Variants in TASP1 observed in about 807,000 individuals in gnomAD.
TASP1 encodes taspase 1, also known as threonine aspartase 1.
TASP1 carries 16 observed loss-of-function variants against 56.6 expected under a neutral mutation model. The ratio of observed to expected loss-of-function variants is 0.28; its 90% CI spans 0.19 to 0.43. The LOEUF is 0.43. Among genes scored for constraint, TASP1 ranks in the 20% least tolerant of loss-of-function variants. The pLI is 1.00. For missense variants in TASP1, 393 were observed against 511.6 expected, an observed-to-expected ratio of 0.77 and a Z score of 2.24; for synonymous variants, 179 against 184.2, an observed-to-expected ratio of 0.97 and a Z score of 0.23.
chr20:13,444,998 G>A (rs1354054893), intron 11 of TASP1, among the ~76,000 whole-genome samples: 1 of 152,118 alleles, frequency 6.6e-6, no homozygotes, highest in Non-Finnish European at 1.5e-5. Flanking sequence ...AAAGAGGAGA[G>A]GAGAGTTGAA....
Position 13,559,100 on chromosome 20 carries a change from C to T in TASP1, c.583G>A (p.Ala195Thr). ...NIMTTRFSLA[A>T]FKRNKRKLEL... ...AGTTTCCTCTTGTTTCTTTTAAATG[C>T]AGCTAAACTGAATCCTATAAAATAA... is the stretch of plus-strand genomic sequence containing the variant. The change falls in exon 8 of 14, where the codon GCA becomes ACA. Residue 195 changes from alanine to threonine, a missense_variant. Transcript: ENST00000337743. 6.4e-7 allele frequency: 1 copy of T among 1,568,156 alleles called. No homozygotes were observed. Among genetic ancestry groups the T allele is most frequent in the Non-Finnish European group, 8.6e-7 (1 of 1,156,734 alleles).
chr20:13,202,430 A>G, the TASP1 span, among the ~76,000 whole-genome samples: 1 of 152,230 alleles, frequency 6.6e-6, no homozygotes, highest in South Asian at 2.1e-4. Flanking sequence ...TTGTACATTT[A>G]TGTAATTTAA....
chr20:13,140,498 A>C, the TASP1 span, among the ~76,000 whole-genome samples: 1 of 152,218 alleles, frequency 6.6e-6, no homozygotes, highest in African/African-American at 2.4e-5. Context: ...ACTTCCTATC[A>C]GGATGGAGCT....
the TASP1 span, chr20:13,164,392 G>A: frequency 2.1e-6 from 1 of 475,992 alleles, no homozygotes; most frequent in Non-Finnish European, 4.3e-6. Flanking sequence ...AACTTCAAAT[G>A]CATTCTGCAA....
intron 13 of TASP1, among the ~76,000 whole-genome samples, chr20:13,395,999 A>G (rs6033690): frequency 0.13 from 20,033 of 151,716 alleles, 2,938 homozygotes; most frequent in African/African-American, 0.37. Context: ...GCGCCCGGCC[A>G]CCCTCAGCTG....
intron 11 of TASP1, among the ~76,000 whole-genome samples, chr20:13,457,121 G>A (rs2043871755): frequency 6.6e-6 from 1 of 152,000 alleles, no homozygotes; most frequent in South Asian, 2.1e-4. Context: ...GGGCCTGTTG[G>A]GGGATGGGGG....
the TASP1 span, among the ~76,000 whole-genome samples, chr20:13,346,016 A>G: frequency 6.6e-6 from 1 of 151,634 alleles, no homozygotes; most frequent in East Asian, 1.9e-4. Flanking sequence ...GCTACTGCCC[A>G]TTTGACAGGG....
At chr20:13,344,332 G>C in the TASP1 span, among the ~76,000 whole-genome samples, 9 of 152,148 alleles carry the variant, frequency 5.9e-5, no homozygotes, top group African/African-American at 2.2e-4. Context: ...CCAAGCCCAA[G>C]TTTTCCTTCA....
Position 13,487,197 on chromosome 20 carries a change from T to C in TASP1, c.875-3860A>G, listed in dbSNP as rs1442003387. The stretch of plus-strand genomic sequence containing the variant: ...CTGGTACTTACCAGTCCTCAAAATA[T>C]GGACCTGACCTTCATTTCTTTCCCC... On this transcript the variant is annotated intron_variant, in intron 10 of 13. Coordinates refer to ENST00000337743, the MANE Select transcript of TASP1 (RefSeq NM_017714.3). Among the ~76,000 whole-genome samples, 2 of 152,178 alleles carry C rather than the reference T, an allele frequency of 1.3e-5. 1 individual carries two copies. Among genetic ancestry groups the C allele is most frequent in the Non-Finnish European group, 2.9e-5 (2 of 68,024 alleles).
intron 10 of TASP1, among the ~76,000 whole-genome samples, chr20:13,527,939 G>T (rs2045048857): frequency 6.6e-6 from 1 of 151,892 alleles, no homozygotes; most frequent in South Asian, 2.1e-4. Context: ...AAATGTTAGT[G>T]GGTCGGGTGC....
At chr20:13,141,121 G>A in the TASP1 span, among the ~76,000 whole-genome samples, 1 of 152,204 alleles carries the variant, frequency 6.6e-6, no homozygotes, top group Non-Finnish European at 1.5e-5. Context: ...AGTACACTGG[G>A]TGATAGAAAT....
At chr20:13,348,184 A>G in the TASP1 span, among the ~76,000 whole-genome samples, 1 of 152,200 alleles carries the variant, frequency 6.6e-6, no homozygotes, top group Non-Finnish European at 1.5e-5. Flanking sequence ...GGGAAACCCT[A>G]GTTTTAAAGA....
intron 13 of TASP1, among the ~76,000 whole-genome samples, chr20:13,417,004 T>C (rs1600725080): frequency 6.6e-6 from 1 of 152,230 alleles, no homozygotes; most frequent in Non-Finnish European, 1.5e-5. Flanking sequence ...TTTGCAAGCA[T>C]GTCAGCCACC....
chr20:13,233,487 C>T, the TASP1 span, among the ~76,000 whole-genome samples: 102 of 150,286 alleles, frequency 6.8e-4, no homozygotes, highest in African/African-American at 2.1e-3. Context: ...CCCAGCTACT[C>T]GGGAGGCTGA....
At chr20:13,225,791 G>C in the TASP1 span, among the ~76,000 whole-genome samples, 2 of 152,080 alleles carry the variant, frequency 1.3e-5, no homozygotes, top group South Asian at 2.1e-4. Context: ...TAGTTCATTA[G>C]AATAAGTTTG....
chr20:13,174,918 C>G, the TASP1 span, among the ~76,000 whole-genome samples: 3 of 152,186 alleles, frequency 2.0e-5, no homozygotes, highest in Admixed American at 2.0e-4. Flanking sequence ...ATATGGTTCT[C>G]ATAGTAGTGA....
At chr20:13,305,484 C>T in the TASP1 span, among the ~76,000 whole-genome samples, 3 of 152,236 alleles carry the variant, frequency 2.0e-5, no homozygotes, top group South Asian at 2.1e-4. Flanking sequence ...GGGATTAGGG[C>T]GGAGTTCTCT....
intron 8 of TASP1, among the ~76,000 whole-genome samples, chr20:13,556,388 C>T (rs533317352): frequency 6.6e-6 from 1 of 152,288 alleles, no homozygotes; most frequent in African/African-American, 2.4e-5. Flanking sequence ...CTTACCTCCC[C>T]CTTGGACTGA....
At chr20:13,344,753 C>T in the TASP1 span, among the ~76,000 whole-genome samples, 17 of 152,330 alleles carry the variant, frequency 1.1e-4, no homozygotes, top group South Asian at 2.9e-3. Context: ...GTATTCCCAA[C>T]GTGCCTTTCC....
Sources: allele counts gnomAD v4.1 joint callset (sites outside exome capture counted in the v4.1 genomes callset), GRCh38; gene constraint gnomAD v4.1.1; transcripts MANE v1.5; gene names NCBI Gene and HGNC (gene_info 2026-07-23, HGNC 2026-07-21).